The following KCNQ1 variants were observed in gnomAD, a reference collection of about 807,000 sequenced individuals.
KCNQ1 encodes potassium voltage-gated channel subfamily Q member 1.
KCNQ1 carries 49 observed loss-of-function variants against 72.4 expected under a neutral mutation model. The observed-to-expected ratio is 0.68, with a 90% confidence interval of 0.54 to 0.86. KCNQ1 has a LOEUF of 0.86. Ranked by LOEUF, KCNQ1 falls within the 40% of genes least tolerant of loss-of-function variation. KCNQ1 has a pLI of 0.00. For synonymous variants in KCNQ1, 450 were observed against 412.6 expected (o/e 1.09, Z -1.10); for missense variants, 790 against 945.1 (o/e 0.84, Z 2.15).
At chr11:2,533,158 T>C (rs945660030) in intron 2 of KCNQ1, among the ~76,000 whole-genome samples, 5 of 152,234 alleles carry the variant, frequency 3.3e-5, no homozygotes, top group Non-Finnish European at 4.4e-5. Flanking sequence ...AGGGAGCCCC[T>C]GTTTTCTCGT....
intron 1 of KCNQ1, among the ~76,000 whole-genome samples, chr11:2,467,394 C>A (rs985247727): frequency 1.3e-5 from 2 of 152,144 alleles, no homozygotes; most frequent in African/African-American, 2.4e-5. Context: ...TTCCCTGGAG[C>A]AGCCAGGGAT....
chr11:2,514,790 C>A (rs934170219), intron 1 of KCNQ1, among the ~76,000 whole-genome samples: 2 of 152,210 alleles, frequency 1.3e-5, no homozygotes. Context: ...TGCGCCACTG[C>A]ACTCCAGCCT....
Position 2,473,515 on chromosome 11 carries a change from G to A in KCNQ1, c.386+28031G>A, listed in dbSNP as rs1031279815. Among the ~76,000 whole-genome samples, 5 of 152,192 alleles carry A rather than the reference G, an allele frequency of 3.3e-5. No homozygotes were observed. Among genetic ancestry groups the A allele is most frequent in the African/African-American group, 1.2e-4 (5 of 41,450 alleles). The stretch of plus-strand genomic sequence containing the variant: ...AATCCAAGGGGCAAGGCCGTTTCCC[G>A]TCCTGGTCCGTCGTTGAGTCCCCTG... On this transcript the variant is annotated intron_variant, in intron 1 of 15. Coordinates refer to ENST00000155840, the MANE Select transcript of KCNQ1 (RefSeq NM_000218.3). The surrounding 1 kb of genome is among the most constrained non-coding windows in gnomAD (Gnocchi z 6.0).
At chr11:2,716,810 C>T (rs1482935420) in intron 11 of KCNQ1, among the ~76,000 whole-genome samples, 1 of 152,238 alleles carries the variant, frequency 6.6e-6, no homozygotes, top group African/African-American at 2.4e-5. Context: ...CCAAAGCAAC[C>T]ATCTCTTCCC....
At chr11:2,812,687 C>A (rs1336463208) in intron 15 of KCNQ1, among the ~76,000 whole-genome samples, 1 of 152,230 alleles carries the variant, frequency 6.6e-6, no homozygotes, top group Non-Finnish European at 1.5e-5. Context: ...CTGCTCAAGC[C>A]CCCCATGGCC....
At position 2,579,642 on chromosome 11, in the gene KCNQ1, C is replaced by T. The variant is rs1848470615; in HGVS notation, c.922-3793C>T. 6.6e-6 allele frequency among the ~76,000 whole-genome samples: 1 copy of T among 152,158 alleles called. No homozygotes were observed. On this transcript the variant is annotated intron_variant, in intron 6 of 15. Transcript: ENST00000155840. This position sits in a 1 kb window ranked among gnomAD's most constrained non-coding sequence, Gnocchi z 6.0. Reference sequence around the variant, plus strand: ...GGCCGGGTCTGGGCAGACAGGCAGACCAGGCGAAGGTGGGGTCCTGGAGCT... The same window carrying T: ...GGCCGGGTCTGGGCAGACAGGCAGATCAGGCGAAGGTGGGGTCCTGGAGCT...
intron 11 of KCNQ1, chr11:2,699,364 C>T (rs1850732951): frequency 2.5e-6 from 1 of 399,234 alleles, no homozygotes. Context: ...CCGCGCCGTC[C>T]GCCCAGGTCC....
Position 2,730,486 on chromosome 11 carries a change from C to T in KCNQ1, c.1515-38358C>T, listed in dbSNP as rs542294910. ...CCCCCTTGTCTCTGCTTCTGTCCTG[C>T]GCTCTTCACAACCTCCCTTCCTCCC... On this transcript the variant is annotated intron_variant, in intron 11 of 15. Coordinates refer to ENST00000155840, the MANE Select transcript of KCNQ1 (RefSeq NM_000218.3). Among the ~76,000 whole-genome samples, 13 of 152,286 alleles carry T rather than the reference C, an allele frequency of 8.5e-5. No homozygotes were observed. In the South Asian group the frequency reaches 1.7e-3, roughly 19 times the overall value.
At chr11:2,739,610 A>T (rs1195120645) in intron 11 of KCNQ1, among the ~76,000 whole-genome samples, 4 of 152,258 alleles carry the variant, frequency 2.6e-5, no homozygotes, top group Non-Finnish European at 5.9e-5. Flanking sequence ...GTTTTTTAAC[A>T]AGAACTTGTT....
intron 2 of KCNQ1, among the ~76,000 whole-genome samples, chr11:2,546,753 T>C (rs534115418): frequency 6.6e-6 from 1 of 152,356 alleles, no homozygotes; most frequent in South Asian, 2.1e-4. Flanking sequence ...AAGTATACCA[T>C]GTGTTCAATG....
At chr11:2,666,393 C>A (rs977557792) in intron 11 of KCNQ1, 5 of 398,564 alleles carry the variant, frequency 1.3e-5, no homozygotes, top group African/African-American at 6.2e-5. Context: ...CTTCGCAAAT[C>A]CTTGAGCAAA....
intron 1 of KCNQ1, among the ~76,000 whole-genome samples, chr11:2,518,727 C>T (rs1472248844): frequency 1.3e-5 from 2 of 152,198 alleles, no homozygotes; most frequent in Non-Finnish European, 1.5e-5. Flanking sequence ...ACCCACCGGC[C>T]ACACCAAGTC....
Position 2,835,639 on chromosome 11 carries a change from C to A in KCNQ1, c.1795-12128C>A, listed in dbSNP as rs549962627. ...GCAGAGACAGAAAACAAAGGCAGCACCACAGCGACGAGGGCCTGAGAGGAA... is the reference window on the plus strand; with the variant it reads ...GCAGAGACAGAAAACAAAGGCAGCAACACAGCGACGAGGGCCTGAGAGGAA... On this transcript the variant is annotated intron_variant, in intron 15 of 15. Transcript: ENST00000155840. 5.9e-5 allele frequency among the ~76,000 whole-genome samples: 9 copies of A among 152,260 alleles called. No homozygotes were observed. In the East Asian group the frequency reaches 1.7e-3, roughly 29 times the overall value.
At chr11:2,804,169 A>G (rs942203475) in intron 15 of KCNQ1, among the ~76,000 whole-genome samples, 9 of 152,138 alleles carry the variant, frequency 5.9e-5, no homozygotes, top group African/African-American at 1.7e-4. Flanking sequence ...TCACAGGGCC[A>G]GAAACAACTG....
chr11:2,654,855 G>A lies in KCNQ1; in HGVS notation c.1394-7106G>A. The A allele has an allele frequency of 2.5e-6, 1 of 398,568 alleles. No individual in the cohort carries two copies. Among genetic ancestry groups the A allele is most frequent in the Non-Finnish European group, 4.4e-6 (1 of 226,088 alleles). 24.7% of individuals were successfully genotyped at this position (398,568 alleles called of 1,614,324 possible). On this transcript the variant is annotated intron_variant, in intron 10 of 15. Transcript: ENST00000155840. The surrounding 1 kb of genome is among the most constrained non-coding windows in gnomAD (Gnocchi z 6.4). ...TATGTAGCCTCATGGGCAGCTCCAG[G>A]CCAGGTGGAGGGACATATTCTGGCA...
rs1848128335 is a variant in KCNQ1 at position 2,559,565 on chromosome 11, G to A, written c.478-11063G>A. Among the ~76,000 whole-genome samples the A allele has an allele frequency of 6.6e-6, 1 of 152,216 alleles. No individual in the cohort carries two copies. Among genetic ancestry groups the A allele is most frequent in the Admixed American group, 6.5e-5 (1 of 15,290 alleles). ...AGCTGTCACCCACTTGCAGGGCCCG[G>A]CTGCCCGGTGGATGGGAACGGCCAT... On this transcript the variant is annotated intron_variant, in intron 2 of 15. Transcript: ENST00000155840. This position sits in a 1 kb window ranked among gnomAD's most constrained non-coding sequence, Gnocchi z 4.9.
chr11:2,618,316 T>G, intron 10 of KCNQ1: 1 of 398,468 alleles, frequency 2.5e-6, no homozygotes, highest in Non-Finnish European at 4.4e-6. Flanking sequence ...GCTAAAAAAA[T>G]GCAAAAAAAT....
chr11:2,565,965 A>G lies in KCNQ1; in HGVS notation c.478-4663A>G, dbSNP rs1297414970. ...CATCTGACACCCACACCCTCCCTCC[A>G]GGCCAGACCCAGCTCTCCAGCTTCC... On this transcript the variant is annotated intron_variant, in intron 2 of 15. Transcript: ENST00000155840. The surrounding 1 kb of genome is among the most constrained non-coding windows in gnomAD (Gnocchi z 5.6). 6.6e-6 allele frequency among the ~76,000 whole-genome samples: 1 copy of G among 151,992 alleles called. No individual in the cohort carries two copies. The highest frequency in any genetic ancestry group is 1.5e-5 in the Non-Finnish European group (1 of 67,982).
chr11:2,590,497 C>G (rs765355712), intron 10 of KCNQ1, among the ~76,000 whole-genome samples: 1 of 152,226 alleles, frequency 6.6e-6, no homozygotes, highest in Non-Finnish European at 1.5e-5. Context: ...CCACATGAAA[C>G]AGTGGCCTTG....
Sources: gnomAD v4.1 joint callset for allele counts (sites outside exome capture counted in the v4.1 genomes callset) on GRCh38, gnomAD v4.1.1 for gene constraint, Gnocchi (gnomAD v3.1) non-coding constraint, MANE v1.5 for transcripts, NCBI Gene and HGNC (gene_info 2026-07-23, HGNC 2026-07-21) for gene names.